Variants in ELF1 observed in about 807,000 individuals in gnomAD.
ELF1 encodes the protein E74 like ETS transcription factor 1, also known as ETS-related transcription factor Elf-1.
A neutral mutation model predicts 59.9 loss-of-function variants in ELF1; 24 were observed. The observed-to-expected ratio is 0.40, with a 90% CI of 0.29 to 0.56. The LOEUF (loss-of-function observed/expected upper bound fraction) is 0.56, where lower values mean the gene tolerates loss of function less well. Ranked by LOEUF, ELF1 falls within the 20% of genes least tolerant of loss-of-function variation. The pLI is 0.44. For missense variants in ELF1, 627 were observed against 742.2 expected (o/e 0.84, Z 1.80); for synonymous variants, 248 against 266.2 (o/e 0.93, Z 0.67).
chr13:40,995,724 G>A (rs1874096314), intron 1 of ELF1, among the ~76,000 whole-genome samples: 1 of 148,518 alleles, frequency 6.7e-6, no homozygotes, highest in African/African-American at 2.5e-5. Context: ...AACTCAAAAT[G>A]GATCGCAAAC....
Position 40,985,038 on chromosome 13 carries a change from T to C in ELF1, c.-228-2756A>G, listed in dbSNP as rs1007579759. On this transcript the variant is annotated intron_variant, in intron 1 of 8. Coordinates refer to ENST00000239882, the MANE Select transcript of ELF1 (RefSeq NM_172373.4). ...CTCCCCACAATCACTAAGCCACTTA[T>C]TGCAGCAGAAAAAGACACTTTTGCT... Among the ~76,000 whole-genome samples, 6 of 152,238 alleles carry C rather than the reference T, an allele frequency of 3.9e-5. No homozygotes were observed. In the East Asian group the frequency reaches 5.8e-4, roughly 15 times the overall value.
chr13:41,059,458 T>A (rs1455472779), intron 1 of ELF1, among the ~76,000 whole-genome samples: 1 of 152,262 alleles, frequency 6.6e-6, no homozygotes, highest in Non-Finnish European at 1.5e-5. Flanking sequence ...AAGGTAAGCC[T>A]AATTAATCCT....
chr13:41,042,819 T>C (rs1163157803), intron 1 of ELF1, among the ~76,000 whole-genome samples: 1 of 152,234 alleles, frequency 6.6e-6, no homozygotes, highest in Non-Finnish European at 1.5e-5. Flanking sequence ...TTTGAAAATA[T>C]ACCCTGTAAT....
In ELF1 at chr13:41,012,530, TTTTTC is replaced by T. The variant is rs1289065217; in HGVS notation, c.-229+6693_-229+6697del. Among the ~76,000 whole-genome samples the T allele has an allele frequency of 1.2e-3, 187 of 150,050 alleles. 1 individual carries two copies. Among genetic ancestry groups the T allele is most frequent in the African/African-American group, 4.1e-3 (169 of 40,992 alleles). On this transcript the variant is annotated intron_variant, in intron 1 of 8. Coordinates refer to ENST00000239882, the MANE Select transcript of ELF1 (RefSeq NM_172373.4). ...CTTTGACTATTCTAAGTTTGATTTT[TTTTTC>T]TTTTCTTTTCTTTTTTTTTTTTTTT... is the stretch of plus-strand genomic sequence containing the variant.
At chr13:41,046,166 G>A (rs544244303) in intron 1 of ELF1, among the ~76,000 whole-genome samples, 1 of 152,094 alleles carries the variant, frequency 6.6e-6, no homozygotes, top group African/African-American at 2.4e-5. Flanking sequence ...TTTATTTTGA[G>A]CCTATGTGTG....
At chr13:41,014,055 G>A (rs1196080316) in intron 1 of ELF1, among the ~76,000 whole-genome samples, 4 of 152,070 alleles carry the variant, frequency 2.6e-5, no homozygotes, top group Non-Finnish European at 4.4e-5. Context: ...ACTGGTGCCT[G>A]CTACTTTGAA....
chr13:40,970,407 C>T (rs1301013615), intron 2 of ELF1, among the ~76,000 whole-genome samples: 1 of 152,140 alleles, frequency 6.6e-6, no homozygotes, highest in Non-Finnish European at 1.5e-5. Context: ...TTCAAGATAA[C>T]ATTATACTAT....
chr13:41,023,892 T>A (rs73176937), upstream of ELF1, among the ~76,000 whole-genome samples: 7,066 of 152,320 alleles, frequency 0.046, 201 homozygotes, highest in Middle Eastern at 0.099. Context: ...GGGAAAAATG[T>A]AGCATATCAG....
At chr13:40,997,982 C>A (rs769489473) in intron 1 of ELF1, among the ~76,000 whole-genome samples, 17 of 152,070 alleles carry the variant, frequency 1.1e-4, no homozygotes, top group Non-Finnish European at 2.4e-4. Context: ...GAAACCTCAT[C>A]TCTACAAAAA....
intron 1 of ELF1, among the ~76,000 whole-genome samples, chr13:40,991,451 T>C (rs1377609338): frequency 1.3e-5 from 2 of 152,202 alleles, no homozygotes; most frequent in Non-Finnish European, 1.5e-5. Context: ...AACATTTTTA[T>C]TTTTTCTTAG....
In ELF1 at chr13:40,982,281, G is replaced by A. The variant is rs958673881; in HGVS notation, c.-227C>T. ...AATTTTTCTTCTCTCAAGCTTCTTG[G>A]CCTAAAAAACAAAAGCTCAGATTAG... is the stretch of plus-strand genomic sequence containing the variant. On this transcript the variant is annotated splice_region_variant and 5_prime_UTR_variant, in exon 2 of 9. Transcript: ENST00000239882. 1.6e-5 allele frequency: 20 copies of A among 1,252,220 alleles called. No individual in the cohort carries two copies. In the East Asian group the frequency reaches 6.2e-4, roughly 39 times the overall value. 77.6% of individuals were successfully genotyped at this position (1,252,220 alleles called of 1,614,324 possible). A position where few individuals can be genotyped will look rare whatever the true frequency, so the allele number is the denominator to read the frequency against.
At chr13:40,951,584 C>A in intron 3 of ELF1, 148 bp from the exon 4 acceptor site, 1 of 500,360 alleles carries the variant, frequency 2.0e-6, no homozygotes, top group Non-Finnish European at 3.2e-6. Context: ...AAAATCATAC[C>A]AAACCTGGCT....
intron 1 of ELF1, among the ~76,000 whole-genome samples, chr13:41,000,113 C>T (rs973211019): frequency 1.3e-5 from 2 of 152,058 alleles, no homozygotes; most frequent in South Asian, 2.1e-4. Flanking sequence ...CACCTTTCTT[C>T]GTCACTGAAA....
chr13:40,956,297 A>G (rs1244352970), intron 3 of ELF1, among the ~76,000 whole-genome samples: 2 of 152,032 alleles, frequency 1.3e-5, no homozygotes, highest in Non-Finnish European at 2.9e-5. Flanking sequence ...TCTCTGAAAC[A>G]TGTGCTGTGT....
intron 3 of ELF1, among the ~76,000 whole-genome samples, chr13:40,953,811 AAGG>A (rs1871021324): frequency 6.6e-6 from 1 of 152,232 alleles, no homozygotes; most frequent in Admixed American, 6.5e-5. Flanking sequence ...TTGCTCAGAA[AAGG>A]ATGGAAGAGT....
At position 41,061,114 on chromosome 13, in the gene ELF1, C is replaced by G. The variant is rs1397321616; in HGVS notation, c.-505G>C. ...AGTTTCACCTCTTTTTTTTTTAACT[C>G]CGCCAGAGGACCCCGACCCACAGGT... On this transcript the variant is annotated 5_prime_UTR_variant, in exon 1 of 2. Transcript: ENST00000405737. The G allele has an allele frequency of 2.1e-5, 4 of 193,078 alleles. No homozygotes were observed. In the South Asian group the frequency reaches 3.2e-4, roughly 15 times the overall value. The allele number at this position is 193,078 out of a possible 1,614,324, so 12.0% of individuals were successfully genotyped here.
chr13:41,045,314 T>C lies in ELF1; in HGVS notation c.-229+15524A>G, dbSNP rs1721838179. 2.0e-5 allele frequency among the ~76,000 whole-genome samples: 3 copies of C among 152,006 alleles called. No individual in the cohort carries two copies. In the South Asian group the frequency reaches 6.2e-4, roughly 31 times the overall value. ...TCTCCTTCAGTTCTGCTCTTACTTA[T>C]TTCTTGCCTTCTGCTAGCTTTTGAA... On this transcript the variant is annotated intron_variant, in intron 1 of 1. Transcript: ENST00000405737.
At chr13:40,934,856 TC>T (rs1473329608) in intron 8 of ELF1, among the ~76,000 whole-genome samples, 6 of 152,326 alleles carry the variant, frequency 3.9e-5, no homozygotes, top group African/African-American at 1.2e-4. Flanking sequence ...AAAACCTACC[TC>T]AGTCTTAACC....
chr13:40,969,088 ACC>A (rs1872366086), intron 2 of ELF1, among the ~76,000 whole-genome samples: 1 of 152,184 alleles, frequency 6.6e-6, no homozygotes, highest in Non-Finnish European at 1.5e-5. Context: ...TAGTTGTAGT[ACC>A]CACTGCTCAA....
Sources: allele counts gnomAD v4.1 joint callset (sites outside exome capture counted in the v4.1 genomes callset), GRCh38; gene constraint gnomAD v4.1.1; transcripts MANE v1.5; gene names NCBI Gene and HGNC (gene_info 2026-07-23, HGNC 2026-07-21).